Variants in SLC12A8 observed in about 807,000 individuals in gnomAD.
The protein encoded by SLC12A8 is solute carrier family 12 member 8.
Under a neutral mutation model 75.6 loss-of-function variants are expected in SLC12A8, and 69 were observed. The ratio of observed to expected loss-of-function variants is 0.91; its 90% CI spans 0.75 to 1.11. SLC12A8 has a LOEUF of 1.11. SLC12A8 is among the 50% of genes most tolerant of loss of function. The pLI, the probability that SLC12A8 is intolerant of heterozygous loss-of-function variation, is 0.00. For synonymous variants in SLC12A8, 365 were observed against 372.8 expected (o/e 0.98, Z 0.24); for missense variants, 877 against 896.7 (o/e 0.98, Z 0.28).
At chr3:125,127,498 G>A (rs1259727848) in intron 6 of SLC12A8, among the ~76,000 whole-genome samples, 1 of 152,204 alleles carries the variant, frequency 6.6e-6, no homozygotes, top group Non-Finnish European at 1.5e-5. Context: ...TCTGTAAAAT[G>A]GGTAAATAAT....
chr3:125,181,025 G>T lies in SLC12A8; in HGVS notation c.391-3051C>A, dbSNP rs548929691. ...GTAAATAATGTGTCTTGGTTGAGAA[G>T]TGTAGAAAATTATGATAGAAAAGGA... is the stretch of plus-strand genomic sequence containing the variant. On this transcript the variant is annotated intron_variant, in intron 4 of 13. Transcript: ENST00000469902. Among the ~76,000 whole-genome samples, 65 of 152,262 alleles carry T rather than the reference G, an allele frequency of 4.3e-4. 1 individual carries two copies. The South Asian group carries it at 0.013, about 30-fold the overall frequency.
rs1348200507 is a variant in SLC12A8 at position 125,211,354 on chromosome 3, C to T, written c.-5G>A. The T allele has an allele frequency of 2.5e-6, 4 of 1,613,482 alleles. No homozygotes were observed. The highest frequency in any genetic ancestry group is 2.2e-5 in the East Asian group (1 of 44,894). ...CACCTGGGACATCTGGGTCATTCTC[C>T]AGCAAGCAGGGATCCTGGTGATCTG... On this transcript the variant is annotated 5_prime_UTR_variant, in exon 2 of 14. Coordinates refer to ENST00000469902, the MANE Select transcript of SLC12A8 (RefSeq NM_024628.6).
intron 11 of SLC12A8, 76 bp downstream of exon 11, chr3:125,092,025 C>A: frequency 2.9e-6 from 3 of 1,041,642 alleles, no homozygotes; most frequent in Non-Finnish European, 2.9e-6. Flanking sequence ...CTTTCCTCCC[C>A]CACAGCCCAA....
At chr3:125,131,972 C>CCTAAA (rs1249205119) in intron 6 of SLC12A8, among the ~76,000 whole-genome samples, 1 of 152,132 alleles carries the variant, frequency 6.6e-6, no homozygotes, top group East Asian at 1.9e-4. Context: ...GTACATAGAC[C>CCTAAA]CTAAGCATAG....
chr3:125,211,065 T>C (rs1234530096), intron 2 of SLC12A8, among the ~76,000 whole-genome samples: 4 of 152,186 alleles, frequency 2.6e-5, no homozygotes, highest in African/African-American at 9.7e-5. Flanking sequence ...TTGTGGGGGA[T>C]CCCAGGATTC....
At chr3:125,108,883 C>T (rs752654210) in intron 9 of SLC12A8, among the ~76,000 whole-genome samples, 6 of 152,082 alleles carry the variant, frequency 3.9e-5, no homozygotes, top group Admixed American at 2.6e-4. Flanking sequence ...ACTGAGTATC[C>T]GCAAATACTC....
At chr3:125,187,113 C>A in intron 4 of SLC12A8, 124 bp downstream of exon 4, 1 of 918,454 alleles carries the variant, frequency 1.1e-6, no homozygotes, top group Non-Finnish European at 1.7e-6. Context: ...GAGCCCCAAC[C>A]TGCTCGTCTG....
chr3:125,145,670 G>GTT (rs35653497), intron 5 of SLC12A8, among the ~76,000 whole-genome samples: 1 of 151,996 alleles, frequency 6.6e-6, no homozygotes, highest in Admixed American at 6.6e-5. Flanking sequence ...TATATACTAT[G>GTT]TTTTTTCCTA....
chr3:125,151,350 T>TA (rs1295622363), intron 5 of SLC12A8: 2 of 154,126 alleles, frequency 1.3e-5, no homozygotes, highest in Non-Finnish European at 2.9e-5. Context: ...TGCAGTGACA[T>TA]AAAAATGGTT....
chr3:125,092,096 C>A lies in SLC12A8; in HGVS notation c.1803+5G>T. 1 of 1,599,074 alleles carries A rather than the reference C, an allele frequency of 6.3e-7. No homozygotes were observed. The highest frequency in any genetic ancestry group is 8.6e-7 in the Non-Finnish European group (1 of 1,167,064). ...AACAACTGAGATCAAGATGAAGTTA[C>A]TCACCCCCAACAGGGAGACCCAGGG... On this transcript the variant is annotated splice_donor_5th_base_variant and intron_variant, in intron 11 of 13. Coordinates refer to ENST00000469902, the MANE Select transcript of SLC12A8 (RefSeq NM_024628.6).
chr3:125,111,912 C>G (rs79331947), intron 8 of SLC12A8, among the ~76,000 whole-genome samples: 1 of 152,224 alleles, frequency 6.6e-6, no homozygotes, highest in African/African-American at 2.4e-5. Context: ...GCACACCCAG[C>G]CTCTTCCCCA....
chr3:125,125,934 G>C (rs1490748895), intron 6 of SLC12A8: 1 of 984,914 alleles, frequency 1.0e-6, no homozygotes, highest in Non-Finnish European at 1.2e-6. Context: ...TTCGCCACAG[G>C]CACTTGCATC....
At chr3:125,175,407 T>C (rs1366292245) in intron 5 of SLC12A8, among the ~76,000 whole-genome samples, 1 of 152,184 alleles carries the variant, frequency 6.6e-6, no homozygotes, top group Non-Finnish European at 1.5e-5. Flanking sequence ...GAGGAGCCAG[T>C]TGCTATGGGA....
At chr3:125,123,473 A>C (rs2107752862) in intron 6 of SLC12A8, 1 of 152,120 alleles carries the variant, frequency 6.6e-6, no homozygotes, top group East Asian at 1.9e-4. Flanking sequence ...TTATCCGGGC[A>C]TGGTGGTACA....
intron 5 of SLC12A8, among the ~76,000 whole-genome samples, chr3:125,163,869 C>T (rs573044189): frequency 6.6e-6 from 1 of 152,352 alleles, no homozygotes; most frequent in African/African-American, 2.4e-5. Flanking sequence ...CTGTGTGCTC[C>T]AGGAGGTGCT....
At chr3:125,173,179 CA>C (rs1377987236) in intron 5 of SLC12A8, among the ~76,000 whole-genome samples, 1 of 151,154 alleles carries the variant, frequency 6.6e-6, no homozygotes, top group African/African-American at 2.4e-5. Context: ...AACTCCATCT[CA>C]AAAAAACAAA....
intron 2 of SLC12A8, among the ~76,000 whole-genome samples, chr3:125,199,468 G>C (rs1935078048): frequency 2.0e-5 from 3 of 152,154 alleles, no homozygotes. Flanking sequence ...TAGGCCTGGG[G>C]CAGTGGCTTA....
chr3:125,185,177 G>A (rs531017536), intron 4 of SLC12A8, among the ~76,000 whole-genome samples: 50 of 152,008 alleles, frequency 3.3e-4, no homozygotes, highest in Non-Finnish European at 5.9e-4. Flanking sequence ...AAAGTTAGCC[G>A]GGTGTGGTGG....
chr3:125,178,610 G>A (rs995970383), intron 4 of SLC12A8, among the ~76,000 whole-genome samples: 1 of 152,098 alleles, frequency 6.6e-6, no homozygotes, highest in African/African-American at 2.4e-5. Flanking sequence ...TTTTTTTCCA[G>A]TACAGATGCA....
Sources: gnomAD v4.1 joint callset for allele counts (sites outside exome capture counted in the v4.1 genomes callset) on GRCh38, gnomAD v4.1.1 for gene constraint, MANE v1.5 for transcripts, NCBI Gene and HGNC (gene_info 2026-07-23, HGNC 2026-07-21) for gene names.